The following DOCK1 variants were observed in gnomAD, a reference collection of about 807,000 sequenced individuals.
DOCK1 encodes the protein dedicator of cytokinesis protein 1.
Under a neutral mutation model 262.7 loss-of-function variants are expected in DOCK1, and 138 were observed. The ratio of observed to expected loss-of-function variants is 0.53; its 90% CI spans 0.46 to 0.61. The LOEUF (loss-of-function observed/expected upper bound fraction) is 0.61. DOCK1 is among the 20% of genes least tolerant of loss of function. The probability of loss-of-function intolerance (pLI) is 0.00; values close to 1 mark genes in which losing one functional copy is unlikely to be tolerated. For synonymous variants in DOCK1, 866 were observed against 867.4 expected, an observed-to-expected ratio of 1.00 and a Z score of 0.03; for missense variants, 1,908 against 2,370.7, an observed-to-expected ratio of 0.80 and a Z score of 4.05.
intron 21 of DOCK1, among the ~76,000 whole-genome samples, chr10:127,045,200 T>TAAAAAAA (rs71032534): frequency 2.4e-5 from 2 of 82,084 alleles, no homozygotes; most frequent in Non-Finnish European, 2.2e-5. Flanking sequence ...TCTGTCTCAA[T>TAAAAAAA]AAAAAAAAAA....
In DOCK1 at chr10:127,012,703, G is replaced by T. The variant is rs866261677; in HGVS notation, c.1201+329G>T. On this transcript the variant is annotated intron_variant, in intron 12 of 51. Transcript: ENST00000623213. The surrounding 1 kb of genome is among the most constrained non-coding windows in gnomAD (Gnocchi z 4.0). Reference sequence around the variant, plus strand: ...TCTTTGCCTGTTCTGGGTCTTCCCTGCTGGTCTCCCTAAGAAGGTGATTTC... The same window carrying T: ...TCTTTGCCTGTTCTGGGTCTTCCCTTCTGGTCTCCCTAAGAAGGTGATTTC... Among the ~76,000 whole-genome samples the T allele has an allele frequency of 6.6e-6, 1 of 152,208 alleles. No individual in the cohort carries two copies. Among genetic ancestry groups the T allele is most frequent in the Non-Finnish European group, 1.5e-5 (1 of 68,050 alleles).
At chr10:126,937,116 A>G (rs2034604959) in intron 1 of DOCK1, among the ~76,000 whole-genome samples, 1 of 152,150 alleles carries the variant, frequency 6.6e-6, no homozygotes, top group Non-Finnish European at 1.5e-5. Flanking sequence ...GGCTTATTTC[A>G]CTTAGTTTAA....
intron 28 of DOCK1, among the ~76,000 whole-genome samples, chr10:127,256,161 C>T (rs865890051): frequency 2.6e-5 from 4 of 152,206 alleles, no homozygotes; most frequent in South Asian, 4.1e-4. Context: ...ACACCAAACT[C>T]CTCACACTAC....
intron 43 of DOCK1, among the ~76,000 whole-genome samples, chr10:127,414,151 A>T (rs970193300): frequency 6.6e-6 from 1 of 152,108 alleles, no homozygotes; most frequent in Non-Finnish European, 1.5e-5. Context: ...AGCTCAGGCA[A>T]TCTGCCCGCC....
chr10:127,082,673 A>T (rs758028296), intron 23 of DOCK1, among the ~76,000 whole-genome samples: 1 of 152,040 alleles, frequency 6.6e-6, no homozygotes, highest in African/African-American at 2.4e-5. Context: ...AGCCCAAACC[A>T]TATCAGGGTT....
intron 18 of DOCK1, among the ~76,000 whole-genome samples, chr10:127,034,997 G>A (rs1301418611): frequency 6.6e-6 from 1 of 152,174 alleles, no homozygotes; most frequent in Admixed American, 6.5e-5. Flanking sequence ...AGGGCACCCT[G>A]CTCTCAGCAG....
At chr10:127,290,741 G>C (rs1260487086) in intron 29 of DOCK1, among the ~76,000 whole-genome samples, 1 of 152,114 alleles carries the variant, frequency 6.6e-6, no homozygotes, top group Non-Finnish European at 1.5e-5. Flanking sequence ...GTCCATCCAG[G>C]TTGTTGTATA....
intron 28 of DOCK1, among the ~76,000 whole-genome samples, chr10:127,248,624 G>A (rs1013893819): frequency 3.3e-5 from 5 of 152,156 alleles, no homozygotes; most frequent in Non-Finnish European, 7.3e-5. Flanking sequence ...ATAACAGAGG[G>A]GAATTTATTG....
intron 29 of DOCK1, among the ~76,000 whole-genome samples, chr10:127,300,619 C>CT (rs2061648028): frequency 6.6e-6 from 1 of 152,232 alleles, no homozygotes; most frequent in Non-Finnish European, 1.5e-5. Context: ...TTCCAGTTTA[C>CT]TTTCTGCTTC....
chr10:127,142,116 G>T (rs1425783211), intron 27 of DOCK1, among the ~76,000 whole-genome samples: 1 of 152,222 alleles, frequency 6.6e-6, no homozygotes, highest in Non-Finnish European at 1.5e-5. Context: ...TGGACAGCAG[G>T]TGGAGGTCTA....
rs772878195 is a variant in DOCK1, at chr10:127,175,958, A to G, written c.2847+48194A>G. 2.5e-6 allele frequency: 4 copies of G among 1,614,120 alleles called. No homozygotes were observed. The highest frequency in any genetic ancestry group is 3.4e-6 in the Non-Finnish European group (4 of 1,180,018). ...GTCCAGCCTCGTTCTTCTCTTTCGC[A>G]TCTGTTAGAAACCCATTGTTTTGGC... On this transcript the variant is annotated intron_variant, in intron 27 of 51. Transcript: ENST00000623213. The surrounding 1 kb of genome is among the most constrained non-coding windows in gnomAD (Gnocchi z 6.3).
intron 12 of DOCK1, among the ~76,000 whole-genome samples, chr10:127,013,916 G>T (rs1030846424): frequency 2.6e-5 from 4 of 152,230 alleles, no homozygotes; most frequent in Non-Finnish European, 2.9e-5. Flanking sequence ...CGCCGGGACT[G>T]CAGGGCGCTG....
At chr10:127,424,098 A>G (rs578001910) in intron 46 of DOCK1, among the ~76,000 whole-genome samples, 70 of 152,280 alleles carry the variant, frequency 4.6e-4, no homozygotes, top group African/African-American at 1.7e-3. Context: ...CTTTTTGTGC[A>G]TTGGAATGTG....
In DOCK1 at chr10:126,992,933, C is replaced by G. The variant is rs576219738; in HGVS notation, c.473+2330C>G. On this transcript the variant is annotated intron_variant, in intron 6 of 51. Coordinates refer to ENST00000623213, the MANE Select transcript of DOCK1 (RefSeq NM_001290223.2). ...TGCACCTTCATAATGGAAACTCACTCTGATTCAGAACCAGCTGAACACTGG... is the reference window on the plus strand; with the variant it reads ...TGCACCTTCATAATGGAAACTCACTGTGATTCAGAACCAGCTGAACACTGG... 1.1e-4 allele frequency among the ~76,000 whole-genome samples: 16 copies of G among 152,308 alleles called. No individual in the cohort carries two copies. The South Asian group carries it at 3.1e-3, about 30-fold the overall frequency.
At chr10:127,313,928 T>A (rs1380716668) in intron 29 of DOCK1, among the ~76,000 whole-genome samples, 1 of 152,152 alleles carries the variant, frequency 6.6e-6, no homozygotes, top group Admixed American at 6.5e-5. Context: ...TTTTATAGGA[T>A]CTCCCTCCGA....
At chr10:126,948,497 G>C (rs1043231312) in intron 1 of DOCK1, among the ~76,000 whole-genome samples, 1 of 151,760 alleles carries the variant, frequency 6.6e-6, no homozygotes, top group Non-Finnish European at 1.5e-5. Flanking sequence ...GATGAAGGTG[G>C]TAATACTGTC....
intron 8 of DOCK1, chr10:126,998,576 A>C: frequency 4.8e-6 from 1 of 206,238 alleles, no homozygotes; most frequent in Non-Finnish European, 9.8e-6. Flanking sequence ...GATTTTATAT[A>C]TCCTGGTCCC....
intron 29 of DOCK1, among the ~76,000 whole-genome samples, chr10:127,300,359 A>G (rs1221136067): frequency 5.3e-5 from 8 of 152,294 alleles, no homozygotes; most frequent in Non-Finnish European, 1.2e-4. Context: ...GGGAAAAGCC[A>G]AACAGGAAAT....
chr10:127,031,744 C>T lies in DOCK1; in HGVS notation c.1719C>T (p.Ile573=), dbSNP rs778026680. ...TGCGAGACGGAGAGCACGATCTTATCGTCTATAAGGTATCTGGTTGCATTG... is the reference window on the plus strand; with the variant it reads ...TGCGAGACGGAGAGCACGATCTTATTGTCTATAAGGTATCTGGTTGCATTG... The part of the protein sequence containing the change: ...TTLRDGEHDL[I]VYKAEAKKLE... The change falls in exon 17 of 52, where the codon ATC becomes ATT. Residue 573 remains isoleucine (I), a synonymous_variant. Transcript: ENST00000623213. The T allele has an allele frequency of 1.1e-5, 18 of 1,612,190 alleles. No individual in the cohort carries two copies. Among genetic ancestry groups the T allele is most frequent in the African/African-American group, 2.7e-5 (2 of 74,856 alleles).
Sources: allele counts gnomAD v4.1 joint callset (sites outside exome capture counted in the v4.1 genomes callset), GRCh38; gene constraint gnomAD v4.1.1; non-coding constraint Gnocchi (gnomAD v3.1); transcripts MANE v1.5; gene names NCBI Gene and HGNC (gene_info 2026-07-23, HGNC 2026-07-21).